Variants in CREB5 observed in about 807,000 individuals in gnomAD.
CREB5 encodes cyclic AMP-responsive element-binding protein 5.
Under a neutral mutation model 57.1 loss-of-function variants are expected in CREB5, and 19 were observed. The ratio of observed to expected loss-of-function variants is 0.33; its 90% confidence interval spans 0.23 to 0.49. The LOEUF (loss-of-function observed/expected upper bound fraction) is 0.49. Ranked by LOEUF, CREB5 falls within the 20% of genes least tolerant of loss-of-function variation. The probability of loss-of-function intolerance (pLI) is 0.99; values close to 1 mark genes in which losing one functional copy is unlikely to be tolerated. For missense variants in CREB5, 579 were observed against 671.6 expected (o/e 0.86, Z 1.52); for synonymous variants, 238 against 238.3 (o/e 1.00, Z 0.01).
intron 5 of CREB5, among the ~76,000 whole-genome samples, chr7:28,651,744 T>C (rs947101301): frequency 6.6e-6 from 1 of 152,236 alleles, no homozygotes; most frequent in Non-Finnish European, 1.5e-5. Flanking sequence ...GGTGCTGTTT[T>C]GCATTCTTAA....
At chr7:28,369,160 A>G (rs917086125) in intron 1 of CREB5, among the ~76,000 whole-genome samples, 2 of 152,268 alleles carry the variant, frequency 1.3e-5, no homozygotes, top group Non-Finnish European at 2.9e-5. Context: ...TGTATACCCA[A>G]TGCTAAAAAT....
chr7:28,533,353 C>T (rs1330973283), intron 4 of CREB5, among the ~76,000 whole-genome samples: 1 of 152,080 alleles, frequency 6.6e-6, no homozygotes, highest in Non-Finnish European at 1.5e-5. Context: ...AGTAATTGTC[C>T]CCAGTGACAG....
At chr7:28,399,546 C>T (rs912741576) in intron 1 of CREB5, among the ~76,000 whole-genome samples, 3 of 152,100 alleles carry the variant, frequency 2.0e-5, no homozygotes. Context: ...AAAGAATATC[C>T]TATTCAATAA....
At chr7:28,783,726 C>T (rs1194911397) in intron 7 of CREB5, among the ~76,000 whole-genome samples, 1 of 152,120 alleles carries the variant, frequency 6.6e-6, no homozygotes, top group Non-Finnish European at 1.5e-5. Context: ...CTCTACCATA[C>T]CTGGCTCACT....
rs144978305 is a variant in CREB5, at chr7:28,796,567, A to G, written c.703-7632A>G. ...CCCATTTCACAGAAGACGAATTTGA[A>G]GCTTAAGGTGATCAACCAAGGTCCT... is the stretch of plus-strand genomic sequence containing the variant. On this transcript the variant is annotated intron_variant, in intron 7 of 10. Transcript: ENST00000357727. Among the ~76,000 whole-genome samples, 3 of 152,306 alleles carry G rather than the reference A, an allele frequency of 2.0e-5. No individual in the cohort carries two copies. The East Asian group carries it at 5.8e-4, about 29-fold the overall frequency.
At chr7:28,792,615 A>G (rs1327542418) in intron 7 of CREB5, among the ~76,000 whole-genome samples, 1 of 152,136 alleles carries the variant, frequency 6.6e-6, no homozygotes, top group Non-Finnish European at 1.5e-5. Context: ...ATTATGAATG[A>G]CTCTTCTTTA....
At chr7:28,584,000 C>T (rs1232767501) in intron 5 of CREB5, among the ~76,000 whole-genome samples, 1 of 152,090 alleles carries the variant, frequency 6.6e-6, no homozygotes, top group African/African-American at 2.4e-5. Context: ...TCAACCTGCA[C>T]ACTTCCACTC....
At chr7:28,492,515 C>T (rs1366467578) in intron 2 of CREB5, among the ~76,000 whole-genome samples, 1 of 151,744 alleles carries the variant, frequency 6.6e-6, no homozygotes, top group Non-Finnish European at 1.5e-5. Context: ...TATGTTCCTG[C>T]TGAATTAAAA....
intron 5 of CREB5, among the ~76,000 whole-genome samples, chr7:28,635,405 A>G (rs902158451): frequency 4.6e-5 from 7 of 152,166 alleles, no homozygotes; most frequent in Admixed American, 1.3e-4. Context: ...GGTAGTGGTA[A>G]TGATCCTGGA....
intron 1 of CREB5, among the ~76,000 whole-genome samples, chr7:28,329,251 A>G (rs1785668619): frequency 6.6e-6 from 1 of 152,208 alleles, no homozygotes; most frequent in South Asian, 2.1e-4. Flanking sequence ...AGCTGAAATC[A>G]CTGGGGTTCC....
chr7:28,747,922 A>C (rs569082308), intron 7 of CREB5, among the ~76,000 whole-genome samples: 11 of 152,234 alleles, frequency 7.2e-5, no homozygotes, highest in Admixed American at 7.2e-4. Context: ...GAATTGTGGA[A>C]GATGTCCTTA....
Position 28,396,785 on chromosome 7 carries a change from A to T in CREB5, c.-25+97344A>T, listed in dbSNP as rs78143339. On this transcript the variant is annotated intron_variant, in intron 1 of 9. Coordinates refer to the CREB5 transcript ENST00000396299. ...GGCAAGTTCAGAAATACCCAGTAAC[A>T]TTGCAAAAATAAAGCCATAAGTTCT... 3.1e-3 allele frequency among the ~76,000 whole-genome samples: 473 copies of T among 152,316 alleles called. 16 individuals carry two copies. The East Asian group carries it at 0.076, about 24-fold the overall frequency.
intron 4 of CREB5, among the ~76,000 whole-genome samples, chr7:28,551,895 C>CTT: frequency 7.9e-6 from 1 of 126,660 alleles, no homozygotes; most frequent in African/African-American, 2.8e-5. Flanking sequence ...TTCTTTCTTT[C>CTT]TTTCTCTTTT....
chr7:28,787,354 A>C (rs1807391624), intron 7 of CREB5, among the ~76,000 whole-genome samples: 1 of 152,230 alleles, frequency 6.6e-6, no homozygotes, highest in Non-Finnish European at 1.5e-5. Context: ...TGAGTGCCAG[A>C]CTAGTCCCTA....
At chr7:28,329,097 G>A (rs1041356186) in intron 1 of CREB5, among the ~76,000 whole-genome samples, 2 of 152,154 alleles carry the variant, frequency 1.3e-5, no homozygotes, top group Non-Finnish European at 2.9e-5. Flanking sequence ...TATCTCACTG[G>A]TTCATTCTGT....
intron 1 of CREB5, among the ~76,000 whole-genome samples, chr7:28,323,107 A>G (rs867517895): frequency 3.2e-4 from 48 of 152,226 alleles, no homozygotes; most frequent in South Asian, 1.0e-3. Flanking sequence ...CTTAATGACC[A>G]TGCCCTGTCA....
chr7:28,623,643 A>G (rs975490448), intron 5 of CREB5, among the ~76,000 whole-genome samples: 1 of 152,198 alleles, frequency 6.6e-6, no homozygotes, highest in Non-Finnish European at 1.5e-5. Context: ...GACTAATTTG[A>G]GTGAAAACAT....
In CREB5 at chr7:28,617,531, A is replaced by C. The variant is rs541075137; in HGVS notation, c.464+46994A>C. ...CAGAATTCCAGAATCCACCATTTGA[A>C]TCACACTGGTTTGTGATGGAGGAAG... On this transcript the variant is annotated intron_variant, in intron 5 of 10. Transcript: ENST00000357727. Among the ~76,000 whole-genome samples the C allele has an allele frequency of 6.6e-5, 10 of 152,326 alleles. No homozygotes were observed. The South Asian group carries it at 2.1e-3, about 32-fold the overall frequency.
intron 4 of CREB5, among the ~76,000 whole-genome samples, chr7:28,531,068 C>T (rs1288912911): frequency 1.3e-5 from 2 of 151,852 alleles, no homozygotes; most frequent in African/African-American, 2.4e-5. Context: ...CAGTGGGTGG[C>T]GGGGAAGAGG....
Sources: gnomAD v4.1 joint callset for allele counts (sites outside exome capture counted in the v4.1 genomes callset) on GRCh38, gnomAD v4.1.1 for gene constraint, MANE v1.5 for transcripts, NCBI Gene and HGNC (gene_info 2026-07-23, HGNC 2026-07-21) for gene names.